SHANK2: variants seen among roughly 807,000 people sequenced by gnomAD.
SHANK2 encodes the protein SH3 and multiple ankyrin repeat domains 2, also known as SH3 and multiple ankyrin repeat domains protein 2.
A neutral mutation model predicts 133.7 loss-of-function variants in SHANK2; 43 were observed. That is an observed-to-expected ratio of 0.32 (90% CI 0.25 to 0.41). SHANK2 has a LOEUF of 0.41. SHANK2 is among the 10% of genes least tolerant of loss of function. The probability of loss-of-function intolerance (pLI) is 1.00; values close to 1 mark genes in which losing one functional copy is unlikely to be tolerated. For synonymous variants in SHANK2, 1,017 were observed against 952.8 expected (o/e 1.07, Z -1.24); for missense variants, 1,994 against 2,235.8 (o/e 0.89, Z 2.18).
At chr11:71,111,158 C>T (rs1555099153) in intron 5 of SHANK2, among the ~76,000 whole-genome samples, 1 of 152,220 alleles carries the variant, frequency 6.6e-6, no homozygotes, top group East Asian at 1.9e-4. Context: ...TAAATGGCCT[C>T]AGACACTTGC....
chr11:70,574,953 C>T (rs974462010), intron 17 of SHANK2, among the ~76,000 whole-genome samples: 3 of 152,280 alleles, frequency 2.0e-5, no homozygotes, highest in Admixed American at 2.0e-4. Context: ...AGAGGCCCCG[C>T]TATGAGTCCC....
Position 71,188,010 on chromosome 11 carries a change from C to T in SHANK2, c.-13+36687G>A, listed in dbSNP as rs1475527285. Among the ~76,000 whole-genome samples the T allele has an allele frequency of 1.3e-5, 2 of 152,170 alleles. No homozygotes were observed. The highest frequency in any genetic ancestry group is 1.9e-4 in the East Asian group (1 of 5,198). ...ACCTTCATCTCTGATCCAGAGGCTT[C>T]GTGTCTTCTACTGGTATCACGAAAC... On this transcript the variant is annotated intron_variant, in intron 2 of 25. Transcript: ENST00000601538. This position sits in a 1 kb window ranked among gnomAD's most constrained non-coding sequence, Gnocchi z 4.6.
intron 2 of SHANK2, among the ~76,000 whole-genome samples, chr11:71,177,877 T>G (rs1555113308): frequency 6.6e-6 from 1 of 152,192 alleles, no homozygotes; most frequent in Non-Finnish European, 1.5e-5. Context: ...AGATACCACT[T>G]TATATCTACT....
intron 11 of SHANK2, among the ~76,000 whole-genome samples, chr11:70,876,235 C>CAT (rs1234728022): frequency 0.012 from 75 of 6,168 alleles, no homozygotes; most frequent in African/African-American, 0.018. Context: ...TACACACACA[C>CAT]ACATATAGAC....
chr11:70,712,042 G>C (rs1185889147), intron 14 of SHANK2, among the ~76,000 whole-genome samples: 1 of 152,070 alleles, frequency 6.6e-6, no homozygotes, highest in Non-Finnish European at 1.5e-5. Flanking sequence ...CAGGTCTCTG[G>C]GCTGAAGTTA....
intron 14 of SHANK2, among the ~76,000 whole-genome samples, chr11:70,701,502 G>A (rs1232831365): frequency 1.3e-5 from 2 of 152,050 alleles, no homozygotes; most frequent in African/African-American, 4.8e-5. Context: ...TCCAGGTCAC[G>A]CCATTCTCAT....
Position 70,485,258 on chromosome 11 carries a change from G to T in SHANK2, c.4979+56C>A. 2.7e-6 allele frequency: 4 copies of T among 1,504,760 alleles called. No homozygotes were observed. The South Asian group carries it at 4.5e-5, about 17-fold the overall frequency. The allele number at this position is 1,504,760 out of a possible 1,614,324, so 93.2% of individuals were successfully genotyped here. ...GGCTGCTACCCGAGGGCCTTTCCTG[G>T]TCAGCAGGGACAGTGCACGCAGAGC... On this transcript the variant is annotated intron_variant, in intron 25 of 25. Coordinates refer to ENST00000601538, the MANE Select transcript of SHANK2 (RefSeq NM_012309.5). The surrounding 1 kb of genome is among the most constrained non-coding windows in gnomAD (Gnocchi z 5.8).
intron 11 of SHANK2, among the ~76,000 whole-genome samples, chr11:70,890,609 G>A (rs2135626371): frequency 6.6e-6 from 1 of 152,040 alleles, no homozygotes; most frequent in East Asian, 1.9e-4. Flanking sequence ...AGACCAGCCT[G>A]ACCATCATGG....
At chr11:71,205,433 C>T (rs1178204561) in intron 2 of SHANK2, among the ~76,000 whole-genome samples, 1 of 152,242 alleles carries the variant, frequency 6.6e-6, no homozygotes, top group African/African-American at 2.4e-5. Context: ...CGAGAACCTC[C>T]ACCCTCCAGC....
chr11:70,506,145 C>T (rs939208484), intron 17 of SHANK2, among the ~76,000 whole-genome samples: 23 of 152,294 alleles, frequency 1.5e-4, no homozygotes, highest in African/African-American at 5.5e-4. Flanking sequence ...AGCTTGGCTG[C>T]GGGGCCAAGG....
chr11:70,604,055 A>T (rs938823364), intron 17 of SHANK2: 1 of 152,308 alleles, frequency 6.6e-6, no homozygotes, highest in Non-Finnish European at 1.5e-5. Flanking sequence ...GCCAGCAGCA[A>T]GCCAGAGAGG....
At chr11:70,623,507 G>A (rs932822727) in intron 17 of SHANK2, among the ~76,000 whole-genome samples, 2 of 152,182 alleles carry the variant, frequency 1.3e-5, no homozygotes, top group East Asian at 3.9e-4. Context: ...ATGAGGACAC[G>A]GCCCATGGCA....
rs1554990496 is a variant in SHANK2 at position 70,599,877 on chromosome 11, AAGAAAGAAAGAAAAAGAAAGAAAGAAAG to A, written c.2061+59923_2061+59950del. Reference sequence around the variant, plus strand: ...AGAAAGAAATAAAAAGAAAGAAAGAAAGAAAGAAAGAAAAAGAAAGAAAGAAAGAGAAAGAAAGAAAGAAAGAAAGAAA... The same window carrying A: ...AGAAAGAAATAAAAAGAAAGAAAGAAAGAAAGAAAGAAAGAAAGAAAGAAA... On this transcript the variant is annotated intron_variant, in intron 17 of 25. Coordinates refer to ENST00000601538, the MANE Select transcript of SHANK2 (RefSeq NM_012309.5). 8.6e-4 allele frequency among the ~76,000 whole-genome samples: 85 copies of A among 99,334 alleles called. 2 individuals carry two copies. The highest frequency in any genetic ancestry group is 1.4e-3 in the Non-Finnish European group (70 of 48,840). The allele number at this position is 99,334 out of a possible 152,430, so 65.2% of individuals were successfully genotyped here. A position where few individuals can be genotyped will look rare whatever the true frequency, so the allele number is the denominator to read the frequency against.
At chr11:70,784,425 C>T (rs1044027418) in intron 14 of SHANK2, among the ~76,000 whole-genome samples, 4 of 122,104 alleles carry the variant, frequency 3.3e-5, no homozygotes, top group Admixed American at 1.0e-4. Flanking sequence ...AGTGTGATCT[C>T]GGCCCACTGC....
intron 11 of SHANK2, chr11:70,863,761 T>C (rs782418569): frequency 2.2e-6 from 1 of 449,420 alleles, no homozygotes; most frequent in Non-Finnish European, 4.5e-6. Context: ...TAAAGTGGAG[T>C]CACTCAGGTA....
intron 14 of SHANK2, among the ~76,000 whole-genome samples, chr11:70,711,963 C>T (rs115417296): frequency 0.011 from 1,646 of 152,292 alleles, 30 homozygotes; most frequent in African/African-American, 0.038. Flanking sequence ...CCGGCACAGA[C>T]GACCAGGCTC....
chr11:71,242,264 T>C (rs1354823417), intron 1 of SHANK2, among the ~76,000 whole-genome samples: 5 of 152,106 alleles, frequency 3.3e-5, no homozygotes, highest in African/African-American at 1.2e-4. Context: ...AGTGGGGACG[T>C]AGTTTCAGTT....
At chr11:70,753,164 C>T (rs1555037790) in intron 14 of SHANK2, among the ~76,000 whole-genome samples, 1 of 138,604 alleles carries the variant, frequency 7.2e-6, no homozygotes, top group East Asian at 2.1e-4. Context: ...CAGAAACCAA[C>T]AGAACTGTTA....
At chr11:70,596,593 G>T (rs1591627855) in intron 17 of SHANK2, among the ~76,000 whole-genome samples, 2 of 152,244 alleles carry the variant, frequency 1.3e-5, no homozygotes, top group African/African-American at 4.8e-5. Flanking sequence ...TGATGCGGGG[G>T]GGCGGCAGGC....
Sources: gnomAD v4.1 joint callset for allele counts (sites outside exome capture counted in the v4.1 genomes callset) on GRCh38, gnomAD v4.1.1 for gene constraint, Gnocchi (gnomAD v3.1) non-coding constraint, MANE v1.5 for transcripts, NCBI Gene and HGNC (gene_info 2026-07-23, HGNC 2026-07-21) for gene names.